The following SOX5 variants were observed in gnomAD, a reference collection of about 807,000 sequenced individuals.
SOX5 encodes SRY-box transcription factor 5.
A neutral mutation model predicts 92.0 loss-of-function variants in SOX5; 9 were observed. The ratio of observed to expected loss-of-function variants is 0.10; its 90% CI spans 0.06 to 0.17. The LOEUF is 0.17. SOX5 is among the 10% of genes least tolerant of loss of function. The pLI, the probability that SOX5 is intolerant of heterozygous loss-of-function variation, is 1.00. For missense variants in SOX5, 642 were observed against 944.5 expected (o/e 0.68, Z 4.20); for synonymous variants, 344 against 336.3 (o/e 1.02, Z -0.25).
chr12:23,966,317 G>C (rs895674517), intron 4 of SOX5, among the ~76,000 whole-genome samples: 1 of 149,896 alleles, frequency 6.7e-6, no homozygotes, highest in African/African-American at 2.5e-5. Context: ...CTTGTATTTA[G>C]GCAGAAACTG....
intron 6 of SOX5, among the ~76,000 whole-genome samples, chr12:23,726,660 C>T (rs2093151900): frequency 6.6e-6 from 1 of 152,090 alleles, no homozygotes; most frequent in African/African-American, 2.4e-5. Context: ...AGGATATGGA[C>T]TACAGAGCCT....
chr12:24,208,501 G>A (rs955304432), intron 4 of SOX5, among the ~76,000 whole-genome samples: 4 of 152,072 alleles, frequency 2.6e-5, no homozygotes, highest in Non-Finnish European at 4.4e-5. Flanking sequence ...ATATATCCTT[G>A]GCAATCTTCC....
intron 1 of SOX5, among the ~76,000 whole-genome samples, chr12:24,514,145 T>C (rs1949568704): frequency 6.6e-6 from 1 of 152,228 alleles, no homozygotes; most frequent in Admixed American, 6.5e-5. Context: ...CTTCTTTCAA[T>C]AGCATCATCA....
chr12:24,504,530 C>A (rs1366643671), intron 1 of SOX5, among the ~76,000 whole-genome samples: 3 of 152,130 alleles, frequency 2.0e-5, no homozygotes, highest in Non-Finnish European at 4.4e-5. Context: ...CACAAGCATG[C>A]CACCATTTCT....
chr12:24,194,133 C>A (rs750208109), intron 4 of SOX5, among the ~76,000 whole-genome samples: 12 of 152,182 alleles, frequency 7.9e-5, no homozygotes, highest in Non-Finnish European at 1.3e-4. Context: ...TAAGTGACAT[C>A]TTTCCCATGT....
At chr12:24,390,625 T>C (rs1958901069) in intron 1 of SOX5, among the ~76,000 whole-genome samples, 1 of 152,156 alleles carries the variant, frequency 6.6e-6, no homozygotes, top group South Asian at 2.1e-4. Flanking sequence ...TCTATGTCCA[T>C]GTATACACAT....
intron 1 of SOX5, among the ~76,000 whole-genome samples, chr12:24,522,320 T>C (rs1033547237): frequency 1.3e-5 from 2 of 151,962 alleles, no homozygotes; most frequent in Non-Finnish European, 2.9e-5. Context: ...ACGGTTTCAC[T>C]GGTGAATTTA....
At chr12:23,718,173 A>C (rs2140491041) in intron 6 of SOX5, among the ~76,000 whole-genome samples, 1 of 152,336 alleles carries the variant, frequency 6.6e-6, no homozygotes, top group Non-Finnish European at 1.5e-5. Flanking sequence ...AGAACATCAA[A>C]GTTTAGTATA....
rs1468528933 is a variant in SOX5 at position 24,019,263 on chromosome 12, A to G, written c.-1-123239T>C. On this transcript the variant is annotated intron_variant, in intron 4 of 4. Coordinates refer to the SOX5 transcript ENST00000446891. Reference sequence around the variant, plus strand: ...GCTAGGGTTACAGGCATAAGCCACCATGCCCAAATATAATGCATTGAAATG... The same window carrying G: ...GCTAGGGTTACAGGCATAAGCCACCGTGCCCAAATATAATGCATTGAAATG... Among the ~76,000 whole-genome samples the G allele has an allele frequency of 2.0e-5, 3 of 152,216 alleles. No homozygotes were observed. The East Asian group carries it at 5.8e-4, about 29-fold the overall frequency.
chr12:24,197,698 A>G (rs1957136780), intron 4 of SOX5, among the ~76,000 whole-genome samples: 2 of 152,094 alleles, frequency 1.3e-5, no homozygotes, highest in Admixed American at 6.6e-5. Flanking sequence ...CTGCAGCCCT[A>G]CCAGCCCTCT....
chr12:24,172,101 G>A (rs1040047732), intron 4 of SOX5, among the ~76,000 whole-genome samples: 23 of 126,138 alleles, frequency 1.8e-4, no homozygotes, highest in African/African-American at 5.7e-4. Context: ...GTGCGTGCGC[G>A]CGTGTGTGTC....
At chr12:23,719,049 G>A (rs902724885) in intron 6 of SOX5, among the ~76,000 whole-genome samples, 3 of 152,138 alleles carry the variant, frequency 2.0e-5, no homozygotes, top group Non-Finnish European at 4.4e-5. Context: ...GTTTTTGTTA[G>A]TTGCATGAAT....
intron 9 of SOX5, chr12:23,584,471 A>G (rs1440029211): frequency 1.9e-6 from 2 of 1,073,866 alleles, no homozygotes; most frequent in Non-Finnish European, 2.9e-6. Flanking sequence ...AATCATAGAA[A>G]GCATCATTAT....
intron 8 of SOX5, among the ~76,000 whole-genome samples, chr12:23,606,474 T>C (rs557309433): frequency 1.3e-5 from 2 of 151,782 alleles, no homozygotes; most frequent in East Asian, 3.9e-4. Context: ...ACAATATCTG[T>C]GATAAAGAAA....
At chr12:23,601,184 TC>T (rs1408074300) in intron 9 of SOX5, among the ~76,000 whole-genome samples, 3 of 152,160 alleles carry the variant, frequency 2.0e-5, no homozygotes, top group African/African-American at 4.8e-5. Flanking sequence ...ATCAGAGGAC[TC>T]ATGCTGTACA....
At chr12:23,997,731 T>G (rs1211171013) in intron 4 of SOX5, among the ~76,000 whole-genome samples, 3 of 152,190 alleles carry the variant, frequency 2.0e-5, no homozygotes, top group South Asian at 4.1e-4. Flanking sequence ...TCAAAGTGTT[T>G]AAGCAAAACC....
chr12:23,563,655 A>G (rs73273853), intron 10 of SOX5, among the ~76,000 whole-genome samples: 10 of 152,350 alleles, frequency 6.6e-5, no homozygotes, highest in African/African-American at 2.2e-4. Flanking sequence ...GGTTGTTTCC[A>G]ACTATTTTGA....
intron 4 of SOX5, 66 bp from the exon 5 acceptor site, chr12:23,741,105 G>A (rs1293996462): frequency 7.6e-7 from 1 of 1,313,632 alleles, no homozygotes; most frequent in Non-Finnish European, 1.0e-6. Flanking sequence ...CAATGAAAAT[G>A]GCTCTGTTGT....
intron 11 of SOX5, among the ~76,000 whole-genome samples, chr12:23,562,593 A>G (rs911955015): frequency 1.3e-5 from 2 of 152,222 alleles, no homozygotes; most frequent in East Asian, 3.8e-4. Flanking sequence ...CCAACAGTAC[A>G]TAATTCTGAG....
Sources: gnomAD v4.1 joint callset for allele counts (sites outside exome capture counted in the v4.1 genomes callset) on GRCh38, gnomAD v4.1.1 for gene constraint, MANE v1.5 for transcripts, NCBI Gene and HGNC (gene_info 2026-07-23, HGNC 2026-07-21) for gene names.